Variants in MACROD2 observed in about 807,000 individuals in gnomAD.
The protein encoded by MACROD2 is ADP-ribose glycohydrolase MACROD2.
Under a neutral mutation model 70.4 loss-of-function variants are expected in MACROD2, and 36 were observed. The observed-to-expected ratio is 0.51, with a 90% CI of 0.39 to 0.68. The LOEUF (loss-of-function observed/expected upper bound fraction) is 0.68, where lower values mean the gene tolerates loss of function less well. MACROD2 is among the 30% of genes least tolerant of loss of function. The probability of loss-of-function intolerance (pLI) is 0.00; values close to 1 mark genes in which losing one functional copy is unlikely to be tolerated. For synonymous variants in MACROD2, 172 were observed against 178.8 expected, an observed-to-expected ratio of 0.96 and a Z score of 0.30; for missense variants, 496 against 538.4, an observed-to-expected ratio of 0.92 and a Z score of 0.78.
At chr20:15,090,360 C>G (rs2075784019) in intron 5 of MACROD2, among the ~76,000 whole-genome samples, 5 of 152,050 alleles carry the variant, frequency 3.3e-5, no homozygotes, top group Admixed American at 3.3e-4. Flanking sequence ...TATAATTTAT[C>G]TTTCCCAAAG....
chr20:14,099,980 G>A (rs1569158623), intron 3 of MACROD2, among the ~76,000 whole-genome samples: 2 of 152,068 alleles, frequency 1.3e-5, no homozygotes, highest in Non-Finnish European at 2.9e-5. Flanking sequence ...AAATGTAAAT[G>A]TTATGGTCAT....
intron 8 of MACROD2, among the ~76,000 whole-genome samples, chr20:15,570,279 G>A (rs1304697413): frequency 2.0e-5 from 3 of 152,026 alleles, no homozygotes; most frequent in Admixed American, 1.3e-4. Flanking sequence ...TTTAATTTGC[G>A]TTTTCTTGAT....
chr20:14,264,756 T>C (rs1293722232), intron 3 of MACROD2, among the ~76,000 whole-genome samples: 2 of 152,194 alleles, frequency 1.3e-5, no homozygotes, highest in Non-Finnish European at 2.9e-5. Flanking sequence ...GAAGAAGGCT[T>C]AGAAGTGTTC....
intron 6 of MACROD2, among the ~76,000 whole-genome samples, chr20:15,392,568 C>G (rs1312264943): frequency 6.6e-6 from 1 of 152,092 alleles, no homozygotes; most frequent in Non-Finnish European, 1.5e-5. Context: ...AATGCTCCAT[C>G]ATGCCTCTTT....
chr20:14,337,794 C>T (rs756624317), intron 3 of MACROD2, among the ~76,000 whole-genome samples: 1 of 152,116 alleles, frequency 6.6e-6, no homozygotes, highest in African/African-American at 2.4e-5. Context: ...CATCAGCCTG[C>T]CAAAGCTAGG....
In MACROD2 at chr20:15,959,962, G is replaced by A. The variant is rs552298561; in HGVS notation, c.908-7591G>A. Reference sequence around the variant, plus strand: ...TTAGACTATTTCAGGTTATACAAAAGTGATACACACTGAGGTTGCTTGGTT... The same window carrying A: ...TTAGACTATTTCAGGTTATACAAAAATGATACACACTGAGGTTGCTTGGTT... On this transcript the variant is annotated intron_variant, in intron 12 of 17. Coordinates refer to ENST00000684519, the MANE Select transcript of MACROD2 (RefSeq NM_001351661.2). Among the ~76,000 whole-genome samples, 10 of 152,308 alleles carry A rather than the reference G, an allele frequency of 6.6e-5. No homozygotes were observed. In the South Asian group the frequency reaches 1.9e-3, roughly 28 times the overall value.
rs11461670 is a variant in MACROD2, at chr20:14,754,795, A to ATTTTTTT, written c.418+69845_418+69851dup. On this transcript the variant is annotated intron_variant, in intron 5 of 17. Transcript: ENST00000684519. ...ATGTGGGATATTTTTAGGTAAAGTG[A>ATTTTTTT]TTTTTTTTTTTTTTTGAGGAATACC... Among the ~76,000 whole-genome samples, 2 of 143,758 alleles carry ATTTTTTT rather than the reference A, an allele frequency of 1.4e-5. 1 individual carries two copies. The highest frequency in any genetic ancestry group is 3.0e-5 in the Non-Finnish European group (2 of 66,358). The allele number at this position is 143,758 out of a possible 152,430, so 94.3% of individuals were successfully genotyped here.
chr20:15,294,698 A>G (rs1347323928), intron 6 of MACROD2, among the ~76,000 whole-genome samples: 1 of 152,226 alleles, frequency 6.6e-6, no homozygotes, highest in Non-Finnish European at 1.5e-5. Context: ...CACAAGGCCA[A>G]AAGGAGCTGC....
intron 8 of MACROD2, among the ~76,000 whole-genome samples, chr20:15,734,348 G>C (rs1166830557): frequency 6.6e-6 from 1 of 152,108 alleles, no homozygotes; most frequent in Non-Finnish European, 1.5e-5. Flanking sequence ...CAATTTTCCA[G>C]TGTCAACAAA....
At chr20:14,804,340 T>C (rs2072613631) in intron 5 of MACROD2, among the ~76,000 whole-genome samples, 1 of 152,108 alleles carries the variant, frequency 6.6e-6, no homozygotes, top group African/African-American at 2.4e-5. Flanking sequence ...ATGCTCTGTC[T>C]CTACTGGGTA....
At chr20:14,672,805 A>G (rs1450974299) in intron 4 of MACROD2, among the ~76,000 whole-genome samples, 1 of 152,198 alleles carries the variant, frequency 6.6e-6, no homozygotes, top group African/African-American at 2.4e-5. Flanking sequence ...CAGTACAAAT[A>G]TTTTGAACAT....
At chr20:15,053,933 G>A (rs1362106954) in intron 5 of MACROD2, among the ~76,000 whole-genome samples, 1 of 152,164 alleles carries the variant, frequency 6.6e-6, no homozygotes, top group Admixed American at 6.5e-5. Context: ...CAACTCTTAT[G>A]GATGACTTTG....
chr20:15,622,937 C>A (rs1283474503), intron 8 of MACROD2, among the ~76,000 whole-genome samples: 6 of 152,132 alleles, frequency 3.9e-5, no homozygotes, highest in Admixed American at 1.3e-4. Context: ...CAGTACTATC[C>A]TTAGTTTCAG....
chr20:14,014,258 GGAGA>G (rs1414209677), intron 2 of MACROD2, among the ~76,000 whole-genome samples: 1 of 119,126 alleles, frequency 8.4e-6, no homozygotes, highest in Non-Finnish European at 1.6e-5. Flanking sequence ...TTTTTGCATA[GGAGA>G]GAGTCTTCTT....
At chr20:15,695,068 T>C (rs990814546) in intron 8 of MACROD2, among the ~76,000 whole-genome samples, 2 of 152,226 alleles carry the variant, frequency 1.3e-5, no homozygotes, top group African/African-American at 4.8e-5. Context: ...TTCCGTTCCA[T>C]TGGTCTATGT....
rs369328904 is a variant in MACROD2, at chr20:14,406,626, A to T, written c.272-86853A>T. ...CTTGCCCTTATCTTTTCAACTAAAC[A>T]GATGTTACATTCCTCAAGGATAGGA... On this transcript the variant is annotated intron_variant, in intron 3 of 17. Transcript: ENST00000684519. Among the ~76,000 whole-genome samples, 4 of 152,264 alleles carry T rather than the reference A, an allele frequency of 2.6e-5. No homozygotes were observed. In the East Asian group the frequency reaches 5.8e-4, roughly 22 times the overall value.
intron 9 of MACROD2, among the ~76,000 whole-genome samples, chr20:15,876,948 C>G (rs2064683915): frequency 6.6e-6 from 1 of 152,088 alleles, no homozygotes; most frequent in Non-Finnish European, 1.5e-5. Flanking sequence ...GCTGGTCACT[C>G]CATAATCCAC....
At chr20:15,208,814 TA>T (rs1481185844) in intron 5 of MACROD2, among the ~76,000 whole-genome samples, 1 of 152,142 alleles carries the variant, frequency 6.6e-6, no homozygotes, top group Non-Finnish European at 1.5e-5. Context: ...TGGGTGGTAG[TA>T]AAAGTGCCAG....
At chr20:14,311,018 C>T (rs2082562689) in intron 3 of MACROD2, among the ~76,000 whole-genome samples, 1 of 152,090 alleles carries the variant, frequency 6.6e-6, no homozygotes, top group Admixed American at 6.5e-5. Flanking sequence ...GAAACAGTTA[C>T]AGTGAGCTAA....
Sources: gnomAD v4.1 joint callset for allele counts (sites outside exome capture counted in the v4.1 genomes callset) on GRCh38, gnomAD v4.1.1 for gene constraint, MANE v1.5 for transcripts, NCBI Gene and HGNC (gene_info 2026-07-23, HGNC 2026-07-21) for gene names.